Variants in ATP8A2 observed in about 807,000 individuals in gnomAD.
The protein encoded by ATP8A2 is phospholipid-transporting ATPase IB.
ATP8A2 carries 100 observed loss-of-function variants against 165.6 expected under a neutral mutation model. That is an observed-to-expected ratio of 0.60 (90% CI 0.51 to 0.71). The LOEUF (loss-of-function observed/expected upper bound fraction) is 0.71. Among genes scored for constraint, ATP8A2 ranks in the 30% least tolerant of loss-of-function variants. ATP8A2 has a pLI of 0.00. For synonymous variants in ATP8A2, 543 were observed against 548.8 expected (o/e 0.99, Z 0.15); for missense variants, 1,227 against 1,479.5 (o/e 0.83, Z 2.80).
intron 36 of ATP8A2, among the ~76,000 whole-genome samples, chr13:26,018,470 G>A (rs1057396709): frequency 6.6e-6 from 1 of 152,216 alleles, no homozygotes; most frequent in Admixed American, 6.5e-5. Context: ...TCCTTTTAAA[G>A]AGTATGACAG....
At chr13:25,696,807 T>C (rs752186054) in intron 24 of ATP8A2, among the ~76,000 whole-genome samples, 3 of 152,218 alleles carry the variant, frequency 2.0e-5, no homozygotes, top group Non-Finnish European at 4.4e-5. Flanking sequence ...CTCTTTTAAT[T>C]TCCTTCAAGA....
In ATP8A2 at chr13:25,469,113, C is replaced by T. The variant is rs370807035; in HGVS notation, c.213C>T (p.Asn71=). The change falls in exon 2 of 37, where the codon AAC becomes AAT. Residue 71 remains asparagine (N), a synonymous_variant. Coordinates refer to ENST00000381655, the MANE Select transcript of ATP8A2 (RefSeq NM_016529.6). ...CGCATCTCAACAAATTCCGCGACAA[C>T]CAGATCAGGTAGGAGAAGGCGGCCG... ...NQPHLNKFRD[N]QISTAKYSVL... is the part of the protein sequence containing the mutation. The T allele has an allele frequency of 1.1e-4, 174 of 1,613,826 alleles. No individual in the cohort carries two copies. Among genetic ancestry groups the T allele is most frequent in the Non-Finnish European group, 1.3e-4 (157 of 1,179,864 alleles).
intron 2 of ATP8A2, among the ~76,000 whole-genome samples, chr13:25,491,518 A>G (rs1000508291): frequency 6.6e-6 from 1 of 152,214 alleles, no homozygotes; most frequent in Non-Finnish European, 1.5e-5. Flanking sequence ...GTGAGTCACC[A>G]TGCCCGACGC....
At chr13:25,871,800 A>G (rs561669695) in intron 33 of ATP8A2, among the ~76,000 whole-genome samples, 5 of 152,328 alleles carry the variant, frequency 3.3e-5, no homozygotes, top group Admixed American at 3.3e-4. Flanking sequence ...AAGACAAGAA[A>G]GAGAAATCTA....
rs756026397 is a variant in ATP8A2, at chr13:25,577,182, C to A, written c.1782+44C>A. 9 of 1,477,484 alleles carry A rather than the reference C, an allele frequency of 6.1e-6. No homozygotes were observed. The South Asian group carries it at 9.2e-5, about 15-fold the overall frequency. 91.5% of individuals were successfully genotyped at this position (1,477,484 alleles called of 1,614,324 possible). On this transcript the variant is annotated intron_variant, in intron 20 of 36. Transcript: ENST00000381655. Reference sequence around the variant, plus strand: ...TTGTGCGTAGCGGAGTTCTTGGCAGCTTTGTTAATCTGCCGCTTTTCCTAA... The same window carrying A: ...TTGTGCGTAGCGGAGTTCTTGGCAGATTTGTTAATCTGCCGCTTTTCCTAA...
At chr13:25,912,621 C>G (rs189373158) in intron 33 of ATP8A2, among the ~76,000 whole-genome samples, 2 of 152,188 alleles carry the variant, frequency 1.3e-5, no homozygotes, top group East Asian at 3.9e-4. Context: ...ACATTGTATT[C>G]GTGAATCATG....
intron 24 of ATP8A2, among the ~76,000 whole-genome samples, chr13:25,595,004 A>ATATG (rs1317265334): frequency 6.7e-6 from 1 of 148,880 alleles, no homozygotes; most frequent in African/African-American, 2.5e-5. Context: ...ATATATATAT[A>ATATG]TATGTATGTA....
intron 20 of ATP8A2, among the ~76,000 whole-genome samples, chr13:25,578,223 A>C (rs890105803): frequency 1.3e-5 from 2 of 152,192 alleles, no homozygotes; most frequent in African/African-American, 4.8e-5. Flanking sequence ...AACTCAGTTT[A>C]AAAAAATTTT....
At chr13:25,790,241 A>G (rs928501751) in intron 27 of ATP8A2, among the ~76,000 whole-genome samples, 4 of 152,220 alleles carry the variant, frequency 2.6e-5, no homozygotes, top group Non-Finnish European at 5.9e-5. Context: ...TAACTAAACT[A>G]AAGACCTCTG....
intron 2 of ATP8A2, among the ~76,000 whole-genome samples, chr13:25,474,715 A>T (rs193130943): frequency 7.9e-5 from 12 of 151,468 alleles, no homozygotes; most frequent in Admixed American, 1.3e-4. Flanking sequence ...GTTTTAATTT[A>T]TATTTTAGGT....
chr13:25,994,207 G>A (rs928444016), intron 35 of ATP8A2, among the ~76,000 whole-genome samples: 19 of 151,946 alleles, frequency 1.3e-4, no homozygotes, highest in Admixed American at 1.2e-3. Context: ...TTGATGAACT[G>A]ACTTATTAGT....
chr13:25,806,882 A>C (rs193060164), intron 27 of ATP8A2, among the ~76,000 whole-genome samples: 1 of 152,270 alleles, frequency 6.6e-6, no homozygotes, highest in African/African-American at 2.4e-5. Context: ...GATGGGTTTG[A>C]AGTGGTATGC....
chr13:25,755,382 G>A (rs1238767564), intron 25 of ATP8A2, among the ~76,000 whole-genome samples: 1 of 118,632 alleles, frequency 8.4e-6, no homozygotes, highest in Non-Finnish European at 2.0e-5. Context: ...GTGTCCTGTG[G>A]CCCTCCTACT....
At position 25,399,579 on chromosome 13, in the gene ATP8A2, T is replaced by G. The variant is rs532652887; in HGVS notation, c.76+27291T>G. ...ACGCCCGGCTAATTTTTTTTTTGTA[T>G]TTTTAGTAGAGACGGGGTTTCACCG... On this transcript the variant is annotated intron_variant, in intron 1 of 36. Coordinates refer to ENST00000381655, the MANE Select transcript of ATP8A2 (RefSeq NM_016529.6). Among the ~76,000 whole-genome samples the G allele has an allele frequency of 3.9e-4, 41 of 105,186 alleles. 2 individuals carry two copies. The highest frequency in any genetic ancestry group is 1.3e-3 in the African/African-American group (40 of 29,678). The allele number at this position is 105,186 out of a possible 152,430, so 69.0% of individuals were successfully genotyped here.
rs370488323 is a variant in ATP8A2 at position 26,020,821 on chromosome 13, CT to C, written c.*837del. The C allele has an allele frequency of 6.6e-6, 1 of 152,384 alleles. No homozygotes were observed. The highest frequency in any genetic ancestry group is 2.4e-5 in the African/African-American group (1 of 41,564). The allele number at this position is 152,384 out of a possible 1,614,324, so 9.4% of individuals were successfully genotyped here. A position where few individuals can be genotyped will look rare whatever the true frequency, so the allele number is the denominator to read the frequency against. ...TCCTTCTTCCACCGCCCTTCTCGTTCTGTAAAGAAAGAAAAGAAACATAGCC... is the reference window on the plus strand; with the variant it reads ...TCCTTCTTCCACCGCCCTTCTCGTTCGTAAAGAAAGAAAAGAAACATAGCC... On this transcript the variant is annotated 3_prime_UTR_variant, in exon 37 of 37. Transcript: ENST00000381655.
chr13:25,578,612 A>G (rs532026888), intron 20 of ATP8A2, among the ~76,000 whole-genome samples: 69 of 152,300 alleles, frequency 4.5e-4, no homozygotes, highest in African/African-American at 1.6e-3. Context: ...TTTTAAGATA[A>G]CAGATTTTGG....
At chr13:25,623,359 G>A (rs2041020798) in intron 24 of ATP8A2, among the ~76,000 whole-genome samples, 1 of 152,094 alleles carries the variant, frequency 6.6e-6, no homozygotes, top group Non-Finnish European at 1.5e-5. Context: ...TCATGCCACT[G>A]CATTCCAGCC....
At chr13:25,678,918 A>G (rs2042426841) in intron 24 of ATP8A2, among the ~76,000 whole-genome samples, 1 of 152,216 alleles carries the variant, frequency 6.6e-6, no homozygotes. Flanking sequence ...CAAGTTATTT[A>G]TAAGTTGGGT....
At chr13:25,576,885 A>C (rs1467296833) in intron 19 of ATP8A2, among the ~76,000 whole-genome samples, 184 bp from the exon 20 acceptor site, 2 of 152,162 alleles carry the variant, frequency 1.3e-5, no homozygotes, top group African/African-American at 4.8e-5. Context: ...TATGTTCATT[A>C]GATGTAAATA....
Sources: allele counts gnomAD v4.1 joint callset (sites outside exome capture counted in the v4.1 genomes callset), GRCh38; gene constraint gnomAD v4.1.1; transcripts MANE v1.5; gene names NCBI Gene and HGNC (gene_info 2026-07-23, HGNC 2026-07-21).